The following SCHIP1 variants were observed in gnomAD, a reference collection of about 807,000 sequenced individuals.
The protein encoded by SCHIP1 is schwannomin interacting protein 1, also known as schwannomin-interacting protein 1.
SCHIP1 carries 8 observed loss-of-function variants against 29.7 expected under a neutral mutation model. That is an observed-to-expected ratio of 0.27 (90% confidence interval 0.16 to 0.49). SCHIP1 has a LOEUF of 0.49. Among genes scored for constraint, SCHIP1 ranks in the 20% least tolerant of loss-of-function variants. SCHIP1 has a pLI of 0.99. For missense variants in SCHIP1, 193 were observed against 294.6 expected, an observed-to-expected ratio of 0.66 and a Z score of 2.52; for synonymous variants, 76 against 94.9, an observed-to-expected ratio of 0.80 and a Z score of 1.16.
chr3:159,603,054 T>G, the SCHIP1 span, among the ~76,000 whole-genome samples: 3 of 152,194 alleles, frequency 2.0e-5, no homozygotes, highest in Non-Finnish European at 4.4e-5. Flanking sequence ...ACTGACTGGC[T>G]GTAAATCAGA....
At chr3:159,474,025 G>A in the SCHIP1 span, among the ~76,000 whole-genome samples, 1 of 151,804 alleles carries the variant, frequency 6.6e-6, no homozygotes, top group African/African-American at 2.4e-5. Context: ...AAAAATGTCT[G>A]GTTTCAGATG....
chr3:159,765,223 C>T, the SCHIP1 span: 21 of 1,392,286 alleles, frequency 1.5e-5, no homozygotes, highest in Non-Finnish European at 1.9e-5. Context: ...CCTGCGCTCC[C>T]GCCCGCCCGC....
the SCHIP1 span, among the ~76,000 whole-genome samples, chr3:159,761,238 T>C: frequency 2.9e-3 from 443 of 152,306 alleles, 3 homozygotes; most frequent in African/African-American, 0.01. Flanking sequence ...TGGGAAACTT[T>C]AGTAATTTCA....
the SCHIP1 span, among the ~76,000 whole-genome samples, chr3:159,829,729 C>T: frequency 6.6e-6 from 1 of 152,206 alleles, no homozygotes; most frequent in Non-Finnish European, 1.5e-5. Context: ...CATGCCTGTG[C>T]ATGCCCAAGC....
the SCHIP1 span, among the ~76,000 whole-genome samples, chr3:159,280,025 A>T: frequency 6.6e-6 from 1 of 152,182 alleles, no homozygotes; most frequent in Non-Finnish European, 1.5e-5. Context: ...GCTAGAATTC[A>T]GGGAAGGGAA....
chr3:159,458,626 T>C, the SCHIP1 span, among the ~76,000 whole-genome samples: 1 of 151,790 alleles, frequency 6.6e-6, no homozygotes, highest in Non-Finnish European at 1.5e-5. Flanking sequence ...TTGTAATAGA[T>C]AGTAAAGAGT....
At chr3:159,823,282 C>T in the SCHIP1 span, among the ~76,000 whole-genome samples, 1 of 152,168 alleles carries the variant, frequency 6.6e-6, no homozygotes, top group East Asian at 1.9e-4. Flanking sequence ...TTTGGACTGA[C>T]AGCAATGGGC....
chr3:159,662,305 A>G, the SCHIP1 span, among the ~76,000 whole-genome samples: 1 of 152,196 alleles, frequency 6.6e-6, no homozygotes, highest in Non-Finnish European at 1.5e-5. Context: ...GGCTCTTGCT[A>G]TTGCTCCATC....
the SCHIP1 span, among the ~76,000 whole-genome samples, chr3:159,607,135 T>C: frequency 2.6e-5 from 4 of 152,206 alleles, no homozygotes; most frequent in African/African-American, 9.6e-5. Context: ...TTCTTTCTAG[T>C]GCCATTTTCC....
the SCHIP1 span, among the ~76,000 whole-genome samples, chr3:159,520,065 A>G: frequency 6.6e-6 from 1 of 151,012 alleles, no homozygotes; most frequent in Non-Finnish European, 1.5e-5. Context: ...CAGCATATAA[A>G]TACCAGGAAG....
At chr3:159,416,615 C>T in the SCHIP1 span, among the ~76,000 whole-genome samples, 3 of 152,186 alleles carry the variant, frequency 2.0e-5, no homozygotes, top group Non-Finnish European at 4.4e-5. Context: ...ATTTTTTCCA[C>T]TTTCTAATCC....
At chr3:159,277,014 G>A in the SCHIP1 span, among the ~76,000 whole-genome samples, 1 of 152,056 alleles carries the variant, frequency 6.6e-6, no homozygotes, top group Non-Finnish European at 1.5e-5. Context: ...ATCACACAGT[G>A]CCTGATTCCA....
At chr3:159,483,358 A>G in the SCHIP1 span, among the ~76,000 whole-genome samples, 1 of 152,222 alleles carries the variant, frequency 6.6e-6, no homozygotes, top group Admixed American at 6.5e-5. Flanking sequence ...CCTGAAGGAC[A>G]GGAAAGTATG....
chr3:159,330,438 T>C, the SCHIP1 span, among the ~76,000 whole-genome samples: 1 of 152,212 alleles, frequency 6.6e-6, no homozygotes, highest in Non-Finnish European at 1.5e-5. Context: ...GTCAAATTAG[T>C]ATTTTGTTTC....
the SCHIP1 span, among the ~76,000 whole-genome samples, chr3:159,648,836 T>C: frequency 3.9e-5 from 6 of 152,068 alleles, 1 homozygote. Flanking sequence ...AGTAACACTG[T>C]TCACGGCCTC....
At chr3:159,787,804 G>GGGA in the SCHIP1 span, among the ~76,000 whole-genome samples, 63 of 152,280 alleles carry the variant, frequency 4.1e-4, no homozygotes, top group African/African-American at 1.4e-3. Context: ...AGTTGAAGAA[G>GGGA]CATTAGTTGG....
At chr3:159,680,699 T>TATATGTATATATAATATAC in the SCHIP1 span, among the ~76,000 whole-genome samples, 59 of 24,628 alleles carry the variant, frequency 2.4e-3, no homozygotes, top group South Asian at 9.5e-3. Context: ...ATATATATAA[T>TATATGTATATATAATATAC]ATATATTATA....
At chr3:159,483,493 G>T in the SCHIP1 span, among the ~76,000 whole-genome samples, 103,571 of 152,006 alleles carry the variant, frequency 0.68, 35,930 homozygotes, top group African/African-American at 0.81. Context: ...TGGTGCTAAG[G>T]AGCCCCTGAT....
At chr3:159,606,594 G>A in the SCHIP1 span, among the ~76,000 whole-genome samples, 1 of 152,132 alleles carries the variant, frequency 6.6e-6, no homozygotes, top group Non-Finnish European at 1.5e-5. Flanking sequence ...TATGGGCAGA[G>A]TTCAAGGAAT....
Sources: gnomAD v4.1 joint callset for allele counts (sites outside exome capture counted in the v4.1 genomes callset) on GRCh38, gnomAD v4.1.1 for gene constraint, MANE v1.5 for transcripts, NCBI Gene and HGNC (gene_info 2026-07-23, HGNC 2026-07-21) for gene names.